The following EXTL1 variants were observed in gnomAD, a reference collection of about 807,000 sequenced individuals.
EXTL1 encodes the protein exostosin-like 1.
A neutral mutation model predicts 64.6 loss-of-function variants in EXTL1; 43 were observed. That is an observed-to-expected ratio of 0.67 (90% CI 0.52 to 0.86). EXTL1 has a LOEUF of 0.86. Ranked by LOEUF, EXTL1 falls within the 40% of genes least tolerant of loss-of-function variation. The probability of loss-of-function intolerance (pLI) is 0.00; values close to 1 mark genes in which losing one functional copy is unlikely to be tolerated. For missense variants in EXTL1, 766 were observed against 879.0 expected, an observed-to-expected ratio of 0.87 and a Z score of 1.62; for synonymous variants, 352 against 360.5, an observed-to-expected ratio of 0.98 and a Z score of 0.27.
Position 26,033,767 on chromosome 1 carries a change from C to T in EXTL1, c.1590C>T (p.Phe530=). 6.2e-7 allele frequency: 1 copy of T among 1,614,200 alleles called. No homozygotes were observed. The highest frequency in any genetic ancestry group is 1.7e-5 in the Admixed American group (1 of 60,032). ...TGGGCTTCCTGACGTCGAGCCATTT[C>T]TGGGACGAGGCCCATGGTGGCTGGG... ...RMVGFLTSSH[F]WDEAHGGWGY... The change falls in exon 9 of 11, where the codon TTC becomes TTT. Residue 530 remains phenylalanine (F), a synonymous_variant. Coordinates refer to ENST00000374280, the MANE Select transcript of EXTL1 (RefSeq NM_004455.3). This position sits in a 1 kb window ranked among gnomAD's most constrained non-coding sequence, Gnocchi z 5.1.
chr1:26,031,410 A>T (rs1376437202), intron 5 of EXTL1, 50 bp from the exon 6 acceptor site: 2 of 1,364,432 alleles, frequency 1.5e-6, no homozygotes, highest in Non-Finnish European at 2.0e-6. Flanking sequence ...GTCATTCTTC[A>T]TGGGGTTCTG....
chr1:26,027,149 G>A lies in EXTL1; in HGVS notation c.780-2044G>A, dbSNP rs137982738. ...CACTCTGCTAGGCCCTAGGGATACT[G>A]AGATGAGGGAGGTACAGCCCCATCC... On this transcript the variant is annotated intron_variant, in intron 1 of 10. Transcript: ENST00000374280. Among the ~76,000 whole-genome samples, 44 of 152,306 alleles carry A rather than the reference G, an allele frequency of 2.9e-4. No individual in the cohort carries two copies. In the East Asian group the frequency reaches 7.3e-3, roughly 25 times the overall value.
Position 26,034,304 on chromosome 1 carries a change from A to T in EXTL1, c.1679+448A>T, listed in dbSNP as rs1016076278. On this transcript the variant is annotated intron_variant, in intron 9 of 10. Transcript: ENST00000374280. This position sits in a 1 kb window ranked among gnomAD's most constrained non-coding sequence, Gnocchi z 4.6. The stretch of plus-strand genomic sequence containing the variant: ...CTTAGGGCAGAGACTGAATTCTGTA[A>T]GACCTCTTTAGAGGGGTTCCTTAAA... 6.6e-6 allele frequency among the ~76,000 whole-genome samples: 1 copy of T among 152,224 alleles called. No homozygotes were observed. Among genetic ancestry groups the T allele is most frequent in the African/African-American group, 2.4e-5 (1 of 41,458 alleles).
Position 26,022,532 on chromosome 1 carries a change from G to A in EXTL1, c.-115G>A. On this transcript the variant is annotated 5_prime_UTR_variant, in exon 1 of 11. The change abolishes an upstream ATG in the 5' untranslated region. Transcript: ENST00000374280. ...GCCTCAGTCTTCCCATCTGTACAAT[G>A]ACAGCACAGGACTAGCAGGTCGGTC... The A allele has an allele frequency of 1.2e-6, 1 of 824,146 alleles. No individual in the cohort carries two copies. The highest frequency in any genetic ancestry group is 2.0e-6 in the Non-Finnish European group (1 of 509,834). The allele number at this position is 824,146 out of a possible 1,614,324, so 51.1% of individuals were successfully genotyped here. A position where few individuals can be genotyped will look rare whatever the true frequency, so the allele number is the denominator to read the frequency against.
chr1:26,024,841 A>G (rs1557550081), intron 1 of EXTL1, among the ~76,000 whole-genome samples: 1 of 152,214 alleles, frequency 6.6e-6, no homozygotes, highest in Non-Finnish European at 1.5e-5. Context: ...GTTACCGCTA[A>G]GCACAGTTCA....
rs547104594 is a variant in EXTL1, at chr1:26,025,457, G to A, written c.779+2032G>A. Among the ~76,000 whole-genome samples, 1 of 152,280 alleles carries A rather than the reference G, an allele frequency of 6.6e-6. No homozygotes were observed. Among genetic ancestry groups the A allele is most frequent in the East Asian group, 1.9e-4 (1 of 5,186 alleles). ...AACTGAGGCCCAGAGAGGTGGAATAGCCCAGGGTGACAAGGTTCCCTCTTC... is the reference window on the plus strand; with the variant it reads ...AACTGAGGCCCAGAGAGGTGGAATAACCCAGGGTGACAAGGTTCCCTCTTC... On this transcript the variant is annotated intron_variant, in intron 1 of 10. Transcript: ENST00000374280. The surrounding 1 kb of genome is among the most constrained non-coding windows in gnomAD (Gnocchi z 5.3).
rs149437229 is a variant in EXTL1 at position 26,021,933 on chromosome 1, G to A, written c.-714G>A. 404 of 152,804 alleles carry A rather than the reference G, an allele frequency of 2.6e-3. 1 individual carries two copies. Among genetic ancestry groups the A allele is most frequent in the African/African-American group, 9.0e-3 (375 of 41,594 alleles). 9.5% of individuals were successfully genotyped at this position (152,804 alleles called of 1,614,324 possible). A position where few individuals can be genotyped will look rare whatever the true frequency, so the allele number is the denominator to read the frequency against. On this transcript the variant is annotated 5_prime_UTR_variant, in exon 1 of 11. Transcript: ENST00000374280. ...GCTGCACTTCCTGAGCTGGTGCAGC[G>A]GCAGAGTGGATAAGGATCAGGACCC...
intron 3 of EXTL1, 111 bp downstream of exon 3, chr1:26,029,818 A>G (rs2050262729): frequency 1.5e-6 from 1 of 667,962 alleles, no homozygotes; most frequent in East Asian, 2.8e-5. Flanking sequence ...CCTTCTATGG[A>G]TACTGGTGAA....
chr1:26,033,667 C>T lies in EXTL1; in HGVS notation c.1519-29C>T, dbSNP rs200820202. The T allele has an allele frequency of 6.4e-5, 103 of 1,608,106 alleles. No homozygotes were observed. In the Middle Eastern group the frequency reaches 1.3e-3, roughly 21 times the overall value. ...TGTTCTAGGCATTTAGGAGGTCCTT[C>T]CTCACAGCTCACTTGAGTCCCTCCC... On this transcript the variant is annotated intron_variant, in intron 8 of 10. Transcript: ENST00000374280. The surrounding 1 kb of genome is among the most constrained non-coding windows in gnomAD (Gnocchi z 5.1).
rs1427871462 is a variant in EXTL1, at chr1:26,035,298, AC to A, written c.1985del (p.Pro662ArgfsTer101). On this transcript the variant is annotated frameshift_variant, in exon 11 of 11. Transcript: ENST00000374280. LOFTEE classifies it high-confidence loss of function. This position sits in a 1 kb window ranked among gnomAD's most constrained non-coding sequence, Gnocchi z 5.3. ...CGTCTGGACCCGGTGCTGTTTAAGG[AC>A]CCGGTGTCCGTGCAGCGCAAGAAGT... ...RLRLDPVLFK[D>X]PVSVQRKKYR... 1 of 1,612,918 alleles carries A rather than the reference AC, an allele frequency of 6.2e-7. No individual in the cohort carries two copies. The highest frequency in any genetic ancestry group is 8.5e-7 in the Non-Finnish European group (1 of 1,179,666).
chr1:26,035,304 T>C lies in EXTL1; in HGVS notation c.1988T>C (p.Val663Ala), dbSNP rs200956696. The C allele has an allele frequency of 5.0e-6, 8 of 1,612,956 alleles. No homozygotes were observed. The highest frequency in any genetic ancestry group is 6.8e-6 in the Non-Finnish European group (8 of 1,179,716). The change falls in exon 11 of 11, where the codon GTG becomes GCG. Residue 663 changes from valine to alanine, a missense_variant. Val to Ala is a moderately conservative substitution (Grantham distance 64, BLOSUM62 0). Coordinates refer to ENST00000374280, the MANE Select transcript of EXTL1 (RefSeq NM_004455.3). The surrounding 1 kb of genome is among the most constrained non-coding windows in gnomAD (Gnocchi z 5.3). Reference protein sequence around the residue: ...RLDPVLFKDPVSVQRKKYRSL... With the variant: ...RLDPVLFKDPASVQRKKYRSL... ...GACCCGGTGCTGTTTAAGGACCCGGTGTCCGTGCAGCGCAAGAAGTACCGC... is the reference window on the plus strand; with the variant it reads ...GACCCGGTGCTGTTTAAGGACCCGGCGTCCGTGCAGCGCAAGAAGTACCGC...
chr1:26,033,821 C>T lies in EXTL1; in HGVS notation c.1644C>T (p.Phe548=). 6.2e-7 allele frequency: 1 copy of T among 1,614,136 alleles called. No individual in the cohort carries two copies. The change falls in exon 9 of 11, where the codon TTC becomes TTT. Residue 548 remains phenylalanine, a synonymous_variant. Coordinates refer to ENST00000374280, the MANE Select transcript of EXTL1 (RefSeq NM_004455.3). This position sits in a 1 kb window ranked among gnomAD's most constrained non-coding sequence, Gnocchi z 5.1. ...WGYTAERTNE[F]SMVLTTAAFY... ...ACACTGCTGAGAGGACCAACGAATTCTCCATGGTTCTCACCACAGCCGCCT... is the reference window on the plus strand; with the variant it reads ...ACACTGCTGAGAGGACCAACGAATTTTCCATGGTTCTCACCACAGCCGCCT...
At position 26,033,963 on chromosome 1, in the gene EXTL1, G is replaced by A. The variant is rs2050314008; in HGVS notation, c.1679+107G>A. 2.0e-6 allele frequency: 2 copies of A among 982,868 alleles called. No homozygotes were observed. The highest frequency in any genetic ancestry group is 7.4e-5 in the Admixed American group (2 of 27,084). The allele number at this position is 982,868 out of a possible 1,614,324, so 60.9% of individuals were successfully genotyped here. On this transcript the variant is annotated intron_variant, in intron 9 of 10. Transcript: ENST00000374280. This position sits in a 1 kb window ranked among gnomAD's most constrained non-coding sequence, Gnocchi z 5.1. ...CTAGACCCCAGGGATCCAGGTTCAAGGCCGAGATCTGCCACTTCCCAGCTG... is the reference window on the plus strand; with the variant it reads ...CTAGACCCCAGGGATCCAGGTTCAAAGCCGAGATCTGCCACTTCCCAGCTG...
Position 26,024,975 on chromosome 1 carries a change from C to T in EXTL1, c.779+1550C>T, listed in dbSNP as rs574913553. Among the ~76,000 whole-genome samples, 13 of 152,296 alleles carry T rather than the reference C, an allele frequency of 8.5e-5. No homozygotes were observed. The East Asian group carries it at 1.7e-3, about 20-fold the overall frequency. On this transcript the variant is annotated intron_variant, in intron 1 of 10. Transcript: ENST00000374280. Reference sequence around the variant, plus strand: ...TAATGGATCTGAAATTGGCCAGAGCCGGCCACGGTTTTCTAATTAGCGTGG... The same window carrying T: ...TAATGGATCTGAAATTGGCCAGAGCTGGCCACGGTTTTCTAATTAGCGTGG...
rs568333532 is a variant in EXTL1, at chr1:26,032,381, C to T, written c.1342-15C>T. ...CCCAGATCCCAGACTTCAAGAACAA[C>T]CCCCTATCCTCTAGATCTTGGTTCT... On this transcript the variant is annotated splice_polypyrimidine_tract_variant and intron_variant, in intron 6 of 10. Transcript: ENST00000374280. 4 of 1,545,330 alleles carry T rather than the reference C, an allele frequency of 2.6e-6. No homozygotes were observed. The Admixed American group carries it at 5.9e-5, about 23-fold the overall frequency.
At chr1:26,031,808 T>C (rs1383787988) in intron 6 of EXTL1, among the ~76,000 whole-genome samples, 2 of 152,238 alleles carry the variant, frequency 1.3e-5, no homozygotes, top group African/African-American at 4.8e-5. Flanking sequence ...GAAACATTCA[T>C]TCCTTTACTC....
At position 26,031,116 on chromosome 1, in the gene EXTL1, T is replaced by C; in HGVS notation, c.1102-16T>C. On this transcript the variant is annotated splice_polypyrimidine_tract_variant and intron_variant, in intron 4 of 10. Transcript: ENST00000374280. ...ACACAGGCCACTCGCTCTGCTCAGCTTCTCTCTCATTTTAGGTTATTCAGG... is the reference window on the plus strand; with the variant it reads ...ACACAGGCCACTCGCTCTGCTCAGCCTCTCTCTCATTTTAGGTTATTCAGG... The C allele has an allele frequency of 6.2e-7, 1 of 1,613,928 alleles. No homozygotes were observed.
Position 26,035,267 on chromosome 1 carries a change from C to G in EXTL1, c.1951C>G (p.Arg651Gly), listed in dbSNP as rs768768847. 6.2e-6 allele frequency: 10 copies of G among 1,613,554 alleles called. No individual in the cohort carries two copies. The highest frequency in any genetic ancestry group is 8.5e-6 in the Non-Finnish European group (10 of 1,179,942). ...CGGCCACATGCCCTTGCTGTCCTCT[C>G]GTCTGCGTCTGGACCCGGTGCTGTT... The part of the protein sequence containing the change: ...AFGHMPLLSS[R>G]LRLDPVLFKD... Residue 651 changes from arginine (R) to glycine (G), a missense_variant, in exon 11 of 11, where the codon CGT becomes GGT. Arg to Gly is a moderately radical substitution (Grantham distance 125). This residue lies in a region of EXTL1 where 194 missense variants were observed against 214.5 expected (regional missense o/e 0.90). Transcript: ENST00000374280. This position sits in a 1 kb window ranked among gnomAD's most constrained non-coding sequence, Gnocchi z 5.3.
In EXTL1 at chr1:26,022,318, A is replaced by T; in HGVS notation, c.-329A>T. 3.5e-6 allele frequency: 1 copy of T among 284,076 alleles called. No homozygotes were observed. Among genetic ancestry groups the T allele is most frequent in the Non-Finnish European group, 6.6e-6 (1 of 151,984 alleles). The allele number at this position is 284,076 out of a possible 1,614,324, so 17.6% of individuals were successfully genotyped here. A position where few individuals can be genotyped will look rare whatever the true frequency, so the allele number is the denominator to read the frequency against. ...CTGCATTCTGGACAGGGGTTGCGTC[A>T]GCCAGAGCAGTGCCCAGGGGCAGGG... is the stretch of plus-strand genomic sequence containing the variant. On this transcript the variant is annotated 5_prime_UTR_variant, in exon 1 of 11. Coordinates refer to ENST00000374280, the MANE Select transcript of EXTL1 (RefSeq NM_004455.3).
Sources: allele counts gnomAD v4.1 joint callset (sites outside exome capture counted in the v4.1 genomes callset), GRCh38; gene constraint gnomAD v4.1.1; regional missense constraint gnomAD v4.1.1; non-coding constraint Gnocchi (gnomAD v3.1); transcripts MANE v1.5; gene names NCBI Gene and HGNC (gene_info 2026-07-23, HGNC 2026-07-21).